The following KCNH1 variants were observed in gnomAD, a reference collection of about 807,000 sequenced individuals.
The protein encoded by KCNH1 is potassium voltage-gated channel subfamily H member 1.
Under a neutral mutation model 69.2 loss-of-function variants are expected in KCNH1, and 27 were observed. That is an observed-to-expected ratio of 0.39 (90% CI 0.29 to 0.54). The LOEUF is 0.54. KCNH1 is among the 20% of genes least tolerant of loss of function. KCNH1 has a pLI of 0.68. For synonymous variants in KCNH1, 456 were observed against 487.7 expected, an observed-to-expected ratio of 0.93 and a Z score of 0.86; for missense variants, 798 against 1,261.6, an observed-to-expected ratio of 0.63 and a Z score of 5.57.
rs192523783 is a variant in KCNH1 at position 211,006,574 on chromosome 1, T to C, written c.1032+12209A>G. Among the ~76,000 whole-genome samples the C allele has an allele frequency of 3.2e-3, 473 of 147,776 alleles. 3 individuals carry two copies. The highest frequency in any genetic ancestry group is 0.012 in the African/African-American group (448 of 37,210). ...AGAAGTGACTAGGAACGATGAGGGA[T>C]GTCTGGGAGTTGGTTACATTCTATT... On this transcript the variant is annotated intron_variant, in intron 6 of 10. Coordinates refer to ENST00000271751, the MANE Select transcript of KCNH1 (RefSeq NM_172362.3).
intron 9 of KCNH1, among the ~76,000 whole-genome samples, chr1:210,787,183 G>A (rs1684121630): frequency 6.7e-6 from 1 of 148,684 alleles, no homozygotes; most frequent in Admixed American, 6.7e-5. Context: ...TCCCAGATGT[G>A]TCTCCAAAAC....
intron 6 of KCNH1, among the ~76,000 whole-genome samples, chr1:210,963,211 A>G (rs1364297567): frequency 6.6e-6 from 1 of 152,036 alleles, no homozygotes; most frequent in Non-Finnish European, 1.5e-5. Context: ...TAGAAGGAAA[A>G]CTAAAAAAAA....
intron 10 of KCNH1, among the ~76,000 whole-genome samples, chr1:210,774,691 A>G (rs1387821446): frequency 6.6e-6 from 1 of 152,208 alleles, no homozygotes; most frequent in Non-Finnish European, 1.5e-5. Flanking sequence ...TCAAGAGTAC[A>G]AGACCAATAC....
intron 7 of KCNH1, among the ~76,000 whole-genome samples, chr1:210,896,451 A>G (rs1045579914): frequency 3.9e-5 from 6 of 152,194 alleles, no homozygotes; most frequent in African/African-American, 1.4e-4. Context: ...AATGCCTTTA[A>G]AAAGGAGACT....
intron 6 of KCNH1, among the ~76,000 whole-genome samples, chr1:210,922,084 A>C (rs114670480): frequency 4.7e-5 from 7 of 148,414 alleles, no homozygotes; most frequent in African/African-American, 1.7e-4. Flanking sequence ...ATTGCCCTTT[A>C]AAAAAAAAAC....
intron 6 of KCNH1, among the ~76,000 whole-genome samples, chr1:210,997,295 A>C (rs2102395902): frequency 6.6e-6 from 1 of 152,338 alleles, no homozygotes. Context: ...AACTAGAATA[A>C]CCAACGCAGA....
At chr1:211,089,888 G>A (rs1287615263) in intron 4 of KCNH1, among the ~76,000 whole-genome samples, 1 of 152,194 alleles carries the variant, frequency 6.6e-6, no homozygotes, top group Non-Finnish European at 1.5e-5. Context: ...ATATCCTGAT[G>A]AGCTGGACCT....
intron 1 of KCNH1, among the ~76,000 whole-genome samples, chr1:211,114,045 T>C (rs1041268690): frequency 6.6e-6 from 1 of 151,372 alleles, no homozygotes; most frequent in East Asian, 1.9e-4. Flanking sequence ...GTGTGTTGGA[T>C]TGGGGCAGAG....
Position 211,097,708 on chromosome 1 carries a change from C to T in KCNH1, c.310+5788G>A, listed in dbSNP as rs553182155. ...CCACCGGGTCTGGCATAGTGCTGAG[C>T]CTACAGTAGGTAATCAATATGTACC... On this transcript the variant is annotated intron_variant, in intron 3 of 10. Transcript: ENST00000271751. Among the ~76,000 whole-genome samples the T allele has an allele frequency of 2.0e-5, 3 of 152,314 alleles. No individual in the cohort carries two copies. The South Asian group carries it at 6.2e-4, about 32-fold the overall frequency.
At chr1:211,059,279 C>CA (rs111505454) in intron 5 of KCNH1, among the ~76,000 whole-genome samples, 1,164 of 90,676 alleles carry the variant, frequency 0.013, 10 homozygotes, top group South Asian at 0.045. Context: ...GACTCCATCT[C>CA]AAAAAAAAAA....
intron 5 of KCNH1, among the ~76,000 whole-genome samples, chr1:211,082,551 C>A (rs147074498): frequency 5.9e-4 from 90 of 152,326 alleles, no homozygotes; most frequent in African/African-American, 2.1e-3. Flanking sequence ...CTCAAGCAAG[C>A]TGAAACAGAG....
chr1:210,786,709 A>T (rs1191559858), intron 9 of KCNH1, among the ~76,000 whole-genome samples: 3 of 152,044 alleles, frequency 2.0e-5, no homozygotes, highest in Non-Finnish European at 4.4e-5. Flanking sequence ...CTCAGCTCAA[A>T]CCCACAGATC....
In KCNH1 at chr1:210,679,927, G is replaced by A. The variant is rs983569915; in HGVS notation, c.*3354C>T. The A allele has an allele frequency of 1.3e-5, 2 of 149,426 alleles. No individual in the cohort carries two copies. Among genetic ancestry groups the A allele is most frequent in the African/African-American group, 5.0e-5 (2 of 40,272 alleles). The allele number at this position is 149,426 out of a possible 1,614,324, so 9.3% of individuals were successfully genotyped here. A position where few individuals can be genotyped will look rare whatever the true frequency, so the allele number is the denominator to read the frequency against. The stretch of plus-strand genomic sequence containing the variant: ...AATGTTGTAACCTTATTAGCATAAT[G>A]TAGCATTGCATTAATGCAATGAGTT... On this transcript the variant is annotated 3_prime_UTR_variant, in exon 11 of 11. Coordinates refer to ENST00000271751, the MANE Select transcript of KCNH1 (RefSeq NM_172362.3).
intron 10 of KCNH1, among the ~76,000 whole-genome samples, chr1:210,708,296 A>G (rs936131494): frequency 4.6e-5 from 7 of 152,026 alleles, no homozygotes; most frequent in South Asian, 2.1e-4. Context: ...AGTGGAATCA[A>G]TCTTCAATGA....
chr1:211,129,159 GA>G (rs1434971750), intron 1 of KCNH1, among the ~76,000 whole-genome samples: 1 of 151,358 alleles, frequency 6.6e-6, no homozygotes, highest in Non-Finnish European at 1.5e-5. Context: ...TAGAGAAACA[GA>G]AAAAATAAAA....
At chr1:211,024,388 G>A (rs1689646414) in intron 5 of KCNH1, among the ~76,000 whole-genome samples, 1 of 152,182 alleles carries the variant, frequency 6.6e-6, no homozygotes, top group African/African-American at 2.4e-5. Context: ...GGCATAATAA[G>A]CCTAGGGTGA....
At position 210,732,056 on chromosome 1, in the gene KCNH1, A is replaced by G. The variant is rs113765038; in HGVS notation, c.2112+43292T>C. On this transcript the variant is annotated intron_variant, in intron 10 of 10. Transcript: ENST00000271751. Reference sequence around the variant, plus strand: ...ATCTCAGAAAGTCATTTAGGAATTCATCCGATGGGAGGGAGCCCAGGCCAG... The same window carrying G: ...ATCTCAGAAAGTCATTTAGGAATTCGTCCGATGGGAGGGAGCCCAGGCCAG... Among the ~76,000 whole-genome samples the G allele has an allele frequency of 3.1e-3, 468 of 152,216 alleles. 2 individuals are homozygous for G. The highest frequency in any genetic ancestry group is 0.011 in the African/African-American group (450 of 41,542).
chr1:210,710,894 C>T (rs1469518662), intron 10 of KCNH1, among the ~76,000 whole-genome samples: 1 of 152,212 alleles, frequency 6.6e-6, no homozygotes, highest in Non-Finnish European at 1.5e-5. Flanking sequence ...CACTCTACAG[C>T]AAACAGAGGA....
intron 10 of KCNH1, among the ~76,000 whole-genome samples, chr1:210,756,040 G>C (rs544350516): frequency 6.6e-6 from 1 of 152,194 alleles, no homozygotes; most frequent in Non-Finnish European, 1.5e-5. Flanking sequence ...TGCTAGCTAT[G>C]GAACCCCTCA....
Sources: gnomAD v4.1 joint callset for allele counts (sites outside exome capture counted in the v4.1 genomes callset) on GRCh38, gnomAD v4.1.1 for gene constraint, MANE v1.5 for transcripts, NCBI Gene and HGNC (gene_info 2026-07-23, HGNC 2026-07-21) for gene names.